Variants in GPHN observed in about 807,000 individuals in gnomAD.
GPHN encodes the protein gephyrin.
GPHN carries 17 observed loss-of-function variants against 95.5 expected under a neutral mutation model. The observed-to-expected ratio is 0.18, with a 90% confidence interval of 0.12 to 0.27. The LOEUF is 0.27. Ranked by LOEUF, GPHN falls within the 10% of genes least tolerant of loss-of-function variation. The pLI, the probability that GPHN is intolerant of heterozygous loss-of-function variation, is 1.00. For synonymous variants in GPHN, 320 were observed against 322.5 expected (o/e 0.99, Z 0.08); for missense variants, 660 against 978.1 (o/e 0.67, Z 4.34).
chr14:67,211,457 TTAAA>T, the GPHN span, among the ~76,000 whole-genome samples: 1 of 152,144 alleles, frequency 6.6e-6, no homozygotes, highest in Non-Finnish European at 1.5e-5. Context: ...ACAAAACTGA[TTAAA>T]TATTTTTAAT....
the GPHN span, among the ~76,000 whole-genome samples, chr14:67,341,511 T>TG: frequency 4.5e-4 from 56 of 123,852 alleles, no homozygotes; most frequent in East Asian, 1.5e-3. Flanking sequence ...GGGAGGGAGG[T>TG]GGGGGGGGTC....
chr14:67,186,634 G>A (rs911460480), downstream of GPHN, among the ~76,000 whole-genome samples: 1 of 152,128 alleles, frequency 6.6e-6, no homozygotes, highest in African/African-American at 2.4e-5. Context: ...TTCTGAGAAT[G>A]TCAAAAACAA....
the GPHN span, among the ~76,000 whole-genome samples, chr14:67,238,269 CTT>C: frequency 2.3e-4 from 29 of 125,192 alleles, no homozygotes; most frequent in Admixed American, 4.0e-4. Context: ...TTCTTGCTTT[CTT>C]TTTTTTTTTT....
chr14:66,733,236 C>T (rs1410061826), intron 2 of GPHN, among the ~76,000 whole-genome samples: 1 of 151,952 alleles, frequency 6.6e-6, no homozygotes, highest in Non-Finnish European at 1.5e-5. Context: ...ATGCCTGCCT[C>T]CCCCTCCACC....
intron 8 of GPHN, among the ~76,000 whole-genome samples, chr14:66,959,668 C>G (rs1322705073): frequency 2.0e-5 from 3 of 152,054 alleles, no homozygotes; most frequent in African/African-American, 7.2e-5. Context: ...CTCTCTTCAT[C>G]TTTGTCACTT....
the GPHN span, chr14:67,653,643 G>GT: frequency 1.5e-6 from 1 of 660,666 alleles, no homozygotes; most frequent in Non-Finnish European, 2.6e-6. Context: ...GCCTTTGAGT[G>GT]TAAGTAGAAG....
intron 11 of GPHN, among the ~76,000 whole-genome samples, chr14:67,068,992 G>A (rs2076175821): frequency 6.6e-6 from 1 of 152,096 alleles, no homozygotes; most frequent in African/African-American, 2.4e-5. Flanking sequence ...TGATGGTTCA[G>A]GGGCTGTTAG....
intron 1 of GPHN, among the ~76,000 whole-genome samples, chr14:66,530,725 C>A (rs1181095069): frequency 6.6e-6 from 1 of 152,038 alleles, no homozygotes; most frequent in African/African-American, 2.4e-5. Flanking sequence ...ATTCCCTGAC[C>A]CTTTGTGCTT....
At chr14:66,686,464 A>G (rs2067368189) in intron 2 of GPHN, among the ~76,000 whole-genome samples, 1 of 152,174 alleles carries the variant, frequency 6.6e-6, no homozygotes, top group Non-Finnish European at 1.5e-5. Flanking sequence ...GAGGTCCTTC[A>G]CATCCCTTGT....
intron 1 of GPHN, among the ~76,000 whole-genome samples, chr14:66,515,595 G>C (rs1426425398): frequency 6.6e-6 from 1 of 152,194 alleles, no homozygotes; most frequent in Non-Finnish European, 1.5e-5. Context: ...TGCTGTTAAT[G>C]TTGATTCTGG....
At chr14:67,389,933 G>T in the GPHN span, among the ~76,000 whole-genome samples, 1 of 152,090 alleles carries the variant, frequency 6.6e-6, no homozygotes, top group Non-Finnish European at 1.5e-5. Flanking sequence ...GGCTCCTCCT[G>T]CCACATCCCT....
chr14:67,498,914 C>A, the GPHN span, among the ~76,000 whole-genome samples: 2 of 152,276 alleles, frequency 1.3e-5, no homozygotes, highest in South Asian at 4.1e-4. Flanking sequence ...GCTGATCCAC[C>A]CACCTTGGCC....
At chr14:66,558,590 A>C (rs2060101519) in intron 1 of GPHN, among the ~76,000 whole-genome samples, 1 of 152,106 alleles carries the variant, frequency 6.6e-6, no homozygotes, top group Admixed American at 6.6e-5. Context: ...CCTACTGTTA[A>C]AGGCTTTATT....
chr14:66,963,442 G>T (rs2069098540), intron 8 of GPHN, among the ~76,000 whole-genome samples: 2 of 152,132 alleles, frequency 1.3e-5, no homozygotes, highest in Middle Eastern at 3.4e-3. Context: ...CATCATGACA[G>T]TGCATTCTCA....
intron 2 of GPHN, among the ~76,000 whole-genome samples, chr14:66,687,023 C>G (rs2067414748): frequency 6.6e-6 from 1 of 152,026 alleles, no homozygotes; most frequent in South Asian, 2.1e-4. Context: ...TGGTTTTTGT[C>G]TTTGGTTCTG....
At chr14:67,309,767 GTC>G in the GPHN span, among the ~76,000 whole-genome samples, 4 of 152,172 alleles carry the variant, frequency 2.6e-5, no homozygotes, top group Admixed American at 6.5e-5. Context: ...GAGTCTGAGA[GTC>G]TGAGGTGCGG....
chr14:66,740,739 G>A (rs1446514235), intron 2 of GPHN, among the ~76,000 whole-genome samples: 7 of 152,144 alleles, frequency 4.6e-5, no homozygotes, highest in Non-Finnish European at 1.0e-4. Flanking sequence ...ATAAAAGTTA[G>A]TGGAAAATTT....
intron 1 of GPHN, among the ~76,000 whole-genome samples, chr14:66,597,347 A>G (rs1209693833): frequency 6.6e-6 from 1 of 152,216 alleles, no homozygotes; most frequent in Non-Finnish European, 1.5e-5. Flanking sequence ...GTAGTCAGAA[A>G]TCACTGGTTG....
At chr14:67,547,436 C>A in the GPHN span, among the ~76,000 whole-genome samples, 1 of 152,296 alleles carries the variant, frequency 6.6e-6, no homozygotes, top group East Asian at 1.9e-4. Flanking sequence ...AGTTATAGAT[C>A]GCAGGAAGAG....
Sources: allele counts gnomAD v4.1 joint callset (sites outside exome capture counted in the v4.1 genomes callset), GRCh38; gene constraint gnomAD v4.1.1; transcripts MANE v1.5; gene names NCBI Gene and HGNC (gene_info 2026-07-23, HGNC 2026-07-21).